Variants in DPP6 observed in about 807,000 individuals in gnomAD.
The protein encoded by DPP6 is dipeptidyl peptidase like 6, also known as A-type potassium channel modulatory protein DPP6.
In DPP6, 69 loss-of-function variants were observed where a neutral mutation model predicts 122.6. The observed-to-expected ratio is 0.56, with a 90% CI of 0.46 to 0.69. The LOEUF (loss-of-function observed/expected upper bound fraction) is 0.69. Among genes scored for constraint, DPP6 ranks in the 30% least tolerant of loss-of-function variants. DPP6 has a pLI of 0.00. For synonymous variants in DPP6, 418 were observed against 433.1 expected, an observed-to-expected ratio of 0.97 and a Z score of 0.43; for missense variants, 928 against 1,116.9, an observed-to-expected ratio of 0.83 and a Z score of 2.41.
intron 1 of DPP6, among the ~76,000 whole-genome samples, chr7:153,993,084 A>G (rs922340497): frequency 3.3e-5 from 5 of 152,226 alleles, no homozygotes; most frequent in African/African-American, 1.2e-4. Flanking sequence ...ATGAAATATC[A>G]TAAGTAGAAG....
Position 154,868,057 on chromosome 7 carries a change from A to G in DPP6, c.1777A>G (p.Lys593Glu), listed in dbSNP as rs1471441555. 1.2e-6 allele frequency: 2 copies of G among 1,609,452 alleles called. No individual in the cohort carries two copies. The highest frequency in any genetic ancestry group is 1.7e-6 in the Non-Finnish European group (2 of 1,178,006). The change falls in exon 18 of 26, where the codon AAA (lysine) becomes GAA (glutamate). Residue 593 changes from lysine to glutamate, a missense_variant. Transcript: ENST00000377770. ...GGCCATAAATGACCGACAGATGCCTAAAGTGGAATACAGGGACATTGAGAT... is the reference window on the plus strand; with the variant it reads ...GGCCATAAATGACCGACAGATGCCTGAAGTGGAATACAGGGACATTGAGAT... ...KKAINDRQMP[K>E]VEYRDIEIDD...
At chr7:153,896,440 T>C (rs1050932138) in intron 1 of DPP6, among the ~76,000 whole-genome samples, 5 of 152,196 alleles carry the variant, frequency 3.3e-5, no homozygotes, top group African/African-American at 1.2e-4. Flanking sequence ...TTTTTCATTC[T>C]TATAAAAATT....
the DPP6 span, among the ~76,000 whole-genome samples, chr7:153,855,948 G>C: frequency 6.6e-6 from 1 of 152,066 alleles, no homozygotes; most frequent in Non-Finnish European, 1.5e-5. Flanking sequence ...CAACTATTAT[G>C]TAGTGCCATA....
At chr7:154,150,270 G>A (rs1330270130) in intron 1 of DPP6, among the ~76,000 whole-genome samples, 1 of 152,096 alleles carries the variant, frequency 6.6e-6, no homozygotes, top group Non-Finnish European at 1.5e-5. Context: ...CATTTGGCAA[G>A]GCCCCCCACT....
intron 8 of DPP6, among the ~76,000 whole-genome samples, chr7:154,758,640 G>A (rs1312053564): frequency 6.6e-6 from 1 of 152,194 alleles, no homozygotes; most frequent in Non-Finnish European, 1.5e-5. Context: ...CCAAAGTGCT[G>A]AGATTACAGG....
chr7:153,880,173 A>G, the DPP6 span, among the ~76,000 whole-genome samples: 1 of 152,234 alleles, frequency 6.6e-6, no homozygotes. Context: ...TATCATAAGC[A>G]AACTAAAATC....
At chr7:154,021,794 T>C (rs1798712299) in intron 1 of DPP6, among the ~76,000 whole-genome samples, 1 of 152,232 alleles carries the variant, frequency 6.6e-6, no homozygotes, top group African/African-American at 2.4e-5. Flanking sequence ...GCTCCTGGAC[T>C]CTAAGCCTCC....
At chr7:154,850,587 G>C (rs1802292344) in intron 16 of DPP6, among the ~76,000 whole-genome samples, 1 of 152,026 alleles carries the variant, frequency 6.6e-6, no homozygotes, top group South Asian at 2.1e-4. Flanking sequence ...TCAGGTCCTG[G>C]GCTTTTCTTT....
intron 1 of DPP6, among the ~76,000 whole-genome samples, chr7:154,236,164 C>T (rs11773118): frequency 6.6e-6 from 1 of 152,216 alleles, no homozygotes; most frequent in African/African-American, 2.4e-5. Context: ...GTTTTATTAT[C>T]TTTAAAATGA....
chr7:153,883,785 T>G (rs1240308681), upstream of DPP6, among the ~76,000 whole-genome samples: 1 of 152,204 alleles, frequency 6.6e-6, no homozygotes, highest in Non-Finnish European at 1.5e-5. Flanking sequence ...AGGCATTACC[T>G]GGATATTCAG....
chr7:154,472,960 A>C (rs1421475519), intron 2 of DPP6, among the ~76,000 whole-genome samples: 1 of 152,254 alleles, frequency 6.6e-6, no homozygotes, highest in Non-Finnish European at 1.5e-5. Context: ...AGATTTTCAG[A>C]AAGTGAATAC....
chr7:154,603,487 T>G lies in DPP6; in HGVS notation c.628-34334T>G, dbSNP rs191354149. Among the ~76,000 whole-genome samples the G allele has an allele frequency of 2.1e-3, 244 of 114,786 alleles. 32 individuals are homozygous for G. The highest frequency in any genetic ancestry group is 6.6e-3 in the African/African-American group (240 of 36,470). The allele number at this position is 114,786 out of a possible 152,430, so 75.3% of individuals were successfully genotyped here. A position where few individuals can be genotyped will look rare whatever the true frequency, so the allele number is the denominator to read the frequency against. On this transcript the variant is annotated intron_variant, in intron 5 of 25. Transcript: ENST00000377770. The stretch of plus-strand genomic sequence containing the variant: ...TTCGAGACCAGCCTGGCCAATGTGG[T>G]GAAACCCCATCTCTACTAAAAATAC...
At chr7:154,004,418 G>A (rs1797820556) in intron 1 of DPP6, among the ~76,000 whole-genome samples, 1 of 151,992 alleles carries the variant, frequency 6.6e-6, no homozygotes, top group South Asian at 2.1e-4. Flanking sequence ...ATTTTGGTGG[G>A]GAGATATCTA....
intron 1 of DPP6, chr7:154,305,566 G>T: frequency 1.9e-6 from 3 of 1,591,794 alleles, no homozygotes; most frequent in Non-Finnish European, 1.7e-6. Context: ...TGCTGCTTTT[G>T]GGGGTCCGTG....
intron 1 of DPP6, among the ~76,000 whole-genome samples, chr7:154,252,496 T>C (rs1261069986): frequency 6.6e-6 from 1 of 152,206 alleles, no homozygotes; most frequent in Non-Finnish European, 1.5e-5. Context: ...ATGTACTGTC[T>C]TATTTCTCAC....
chr7:154,085,789 A>G (rs2907729), intron 1 of DPP6, among the ~76,000 whole-genome samples: 1 of 152,160 alleles, frequency 6.6e-6, no homozygotes, highest in African/African-American at 2.4e-5. Flanking sequence ...ATGCAATGGC[A>G]CGATCTTGGC....
At chr7:154,285,835 A>G (rs1470092169) in intron 1 of DPP6, among the ~76,000 whole-genome samples, 12 of 152,220 alleles carry the variant, frequency 7.9e-5, no homozygotes, top group African/African-American at 2.9e-4. Context: ...AATACGGGAA[A>G]GACAGAATCT....
At chr7:154,480,805 A>T (rs1228662706) in intron 3 of DPP6, among the ~76,000 whole-genome samples, 1 of 152,096 alleles carries the variant, frequency 6.6e-6, no homozygotes, top group Non-Finnish European at 1.5e-5. Flanking sequence ...AAAACCAAAA[A>T]TACAAAAGAA....
chr7:154,801,258 A>G (rs1798346768), intron 12 of DPP6, 97 bp from the exon 13 acceptor site: 2 of 1,491,188 alleles, frequency 1.3e-6, no homozygotes, highest in Admixed American at 2.1e-5. Context: ...TAGAAATCAC[A>G]TAGAAAATGT....
Sources: allele counts gnomAD v4.1 joint callset (sites outside exome capture counted in the v4.1 genomes callset), GRCh38; gene constraint gnomAD v4.1.1; transcripts MANE v1.5; gene names NCBI Gene and HGNC (gene_info 2026-07-23, HGNC 2026-07-21).